Variants in PCDHGA6 observed in about 807,000 individuals in gnomAD.
The protein encoded by PCDHGA6 is protocadherin gamma subfamily A, 6.
Under a neutral mutation model 60.6 loss-of-function variants are expected in PCDHGA6, and 41 were observed. That is an observed-to-expected ratio of 0.68 (90% CI 0.53 to 0.88). The LOEUF is 0.88. PCDHGA6 is among the 40% of genes least tolerant of loss of function. PCDHGA6 has a pLI of 0.00. For missense variants in PCDHGA6, 1,312 were observed against 1,203.0 expected, an observed-to-expected ratio of 1.09 and a Z score of -1.34; for synonymous variants, 594 against 524.4, an observed-to-expected ratio of 1.13 and a Z score of -1.81.
At chr5:141,421,508 A>G (rs780491148) in intron 1 of PCDHGA6, 1 of 1,614,046 alleles carries the variant, frequency 6.2e-7, no homozygotes, top group Non-Finnish European at 8.5e-7. Flanking sequence ...ATAGACCGGG[A>G]GGAGCTCTGT....
chr5:141,448,496 G>A (rs1277705943), intron 1 of PCDHGA6, among the ~76,000 whole-genome samples: 1 of 152,024 alleles, frequency 6.6e-6, no homozygotes, highest in Non-Finnish European at 1.5e-5. Flanking sequence ...GTCCCCTGTA[G>A]GTAAACATTT....
chr5:141,483,501 G>A (rs1022338958), intron 1 of PCDHGA6, among the ~76,000 whole-genome samples: 2 of 150,394 alleles, frequency 1.3e-5, no homozygotes, highest in Admixed American at 1.3e-4. Context: ...ATGAGTCAAG[G>A]CTGATCCCCC....
intron 1 of PCDHGA6, chr5:141,393,244 A>C: frequency 6.2e-7 from 1 of 1,613,840 alleles, no homozygotes; most frequent in Non-Finnish European, 8.5e-7. Flanking sequence ...AAAATTAACG[A>C]AATCGCGGTT....
chr5:141,399,735 T>A (rs909521642), intron 1 of PCDHGA6: 1 of 1,613,198 alleles, frequency 6.2e-7, no homozygotes, highest in African/African-American at 1.3e-5. Flanking sequence ...AGGGCTCGCC[T>A]GCGCTCAGCG....
chr5:141,461,506 AT>A (rs1406680307), intron 1 of PCDHGA6, among the ~76,000 whole-genome samples: 2 of 151,524 alleles, frequency 1.3e-5, no homozygotes, highest in Non-Finnish European at 1.5e-5. Context: ...TTTCTTGGTG[AT>A]TTGTTAGTTC....
chr5:141,511,443 C>A lies in PCDHGA6; in HGVS notation c.*270C>A. On this transcript the variant is annotated 3_prime_UTR_variant, in exon 4 of 4. Coordinates refer to ENST00000517434, the MANE Select transcript of PCDHGA6 (RefSeq NM_018919.3). ...GGGGTAGTGGGGTTACTGTAGACAC[C>A]AAGAACCATTTGCCACACCCCGTTT... 1 of 670,886 alleles carries A rather than the reference C, an allele frequency of 1.5e-6. No homozygotes were observed. Among genetic ancestry groups the A allele is most frequent in the Non-Finnish European group, 2.4e-6 (1 of 421,442 alleles). 41.6% of individuals were successfully genotyped at this position (670,886 alleles called of 1,614,324 possible).
intron 1 of PCDHGA6, among the ~76,000 whole-genome samples, chr5:141,455,830 C>T (rs928219545): frequency 2.0e-5 from 3 of 151,170 alleles, no homozygotes; most frequent in African/African-American, 7.3e-5. Flanking sequence ...GACCCCTTTT[C>T]CTGTCTATCT....
At position 141,503,509 on chromosome 5, in the gene PCDHGA6, G is replaced by A. The variant is rs373282648; in HGVS notation, c.2484-1884G>A. ...AGCTGCTCAAGAGGCTGAGGCAGGA[G>A]AATCACTTGAACCTGGGAGGCAGAG... On this transcript the variant is annotated intron_variant, in intron 2 of 3. Transcript: ENST00000517434. Among the ~76,000 whole-genome samples the A allele has an allele frequency of 9.4e-5, 14 of 149,410 alleles. No individual in the cohort carries two copies. The South Asian group carries it at 1.5e-3, about 16-fold the overall frequency.
intron 1 of PCDHGA6, chr5:141,391,637 G>T (rs2092401462): frequency 1.3e-5 from 2 of 152,192 alleles, no homozygotes; most frequent in Admixed American, 6.5e-5. Flanking sequence ...TTTAGTCAGT[G>T]AAAAAACTAT....
At chr5:141,428,362 G>T (rs868168419) in intron 1 of PCDHGA6, 2 of 556,756 alleles carry the variant, frequency 3.6e-6, no homozygotes, top group Non-Finnish European at 6.6e-6. Context: ...TTTGGCGGTC[G>T]CCTTGCACCT....
At position 141,487,547 on chromosome 5, in the gene PCDHGA6, A is replaced by G. The variant is rs2099649592; in HGVS notation, c.2425-7260A>G. On this transcript the variant is annotated intron_variant, in intron 1 of 3. Coordinates refer to ENST00000517434, the MANE Select transcript of PCDHGA6 (RefSeq NM_018919.3). The surrounding 1 kb of genome is among the most constrained non-coding windows in gnomAD (Gnocchi z 5.0). ...TAGCTTCATGATGGTGAAGTCACCC[A>G]GTGCACCTATGGCAGGGGAGCCTGT... 2 of 1,614,216 alleles carry G rather than the reference A, an allele frequency of 1.2e-6. No individual in the cohort carries two copies. Among genetic ancestry groups the G allele is most frequent in the Non-Finnish European group, 8.5e-7 (1 of 1,180,046 alleles).
chr5:141,428,043 A>C (rs765740380), intron 1 of PCDHGA6: 1 of 1,608,722 alleles, frequency 6.2e-7, no homozygotes, highest in South Asian at 1.1e-5. Context: ...CTACCTGGTG[A>C]CCAAGGTGGT....
At chr5:141,384,941 C>G in intron 1 of PCDHGA6, 1 of 1,614,104 alleles carries the variant, frequency 6.2e-7, no homozygotes, top group Non-Finnish European at 8.5e-7. Context: ...CTTGAGCCCT[C>G]CGACGGTCCT....
intron 1 of PCDHGA6, among the ~76,000 whole-genome samples, chr5:141,448,016 G>A (rs903673535): frequency 6.6e-6 from 1 of 152,006 alleles, no homozygotes; most frequent in South Asian, 2.1e-4. Context: ...AACCCAGGAG[G>A]TGGAGGTTGC....
intron 1 of PCDHGA6, among the ~76,000 whole-genome samples, chr5:141,436,677 G>T (rs966497986): frequency 2.2e-4 from 33 of 152,278 alleles, no homozygotes; most frequent in Non-Finnish European, 2.9e-5. Flanking sequence ...CCAAAAAAAG[G>T]ATTTATATTT....
intron 1 of PCDHGA6, chr5:141,384,354 C>A (rs1437330360): frequency 6.2e-7 from 1 of 1,613,844 alleles, no homozygotes; most frequent in Non-Finnish European, 8.5e-7. Context: ...AGGATAATGC[C>A]CAGATCACTT....
In PCDHGA6 at chr5:141,405,262, C is replaced by A. The variant is rs1352663124; in HGVS notation, c.2424+28755C>A. ...ACTCAAGGAAGAGTCACCTGATCTT[C>A]CCCCAGCCCAACTATGCAGACACAC... On this transcript the variant is annotated intron_variant, in intron 1 of 3. Coordinates refer to ENST00000517434, the MANE Select transcript of PCDHGA6 (RefSeq NM_018919.3). The A allele has an allele frequency of 2.5e-6, 4 of 1,614,012 alleles. No individual in the cohort carries two copies. In the African/African-American group the frequency reaches 5.3e-5, roughly 22 times the overall value.
In PCDHGA6 at chr5:141,415,309, G is replaced by A. The variant is rs199689792; in HGVS notation, c.2424+38802G>A. ...GGTCTCCTGCGTCTTCCTGGCCTTC[G>A]TCATCGTGCTGCTGGCGCACAGGCT... is the stretch of plus-strand genomic sequence containing the variant. On this transcript the variant is annotated intron_variant, in intron 1 of 3. Coordinates refer to ENST00000517434, the MANE Select transcript of PCDHGA6 (RefSeq NM_018919.3). 2.7e-5 allele frequency: 44 copies of A among 1,614,216 alleles called. No homozygotes were observed. In the Middle Eastern group the frequency reaches 8.2e-4, roughly 30 times the overall value.
intron 1 of PCDHGA6, among the ~76,000 whole-genome samples, chr5:141,452,350 A>G (rs1355934993): frequency 6.6e-6 from 1 of 152,212 alleles, no homozygotes; most frequent in Admixed American, 6.5e-5. Context: ...CCATTTATCC[A>G]AAAGCCTTGC....
Sources: gnomAD v4.1 joint callset for allele counts (sites outside exome capture counted in the v4.1 genomes callset) on GRCh38, gnomAD v4.1.1 for gene constraint, Gnocchi (gnomAD v3.1) non-coding constraint, MANE v1.5 for transcripts, NCBI Gene and HGNC (gene_info 2026-07-23, HGNC 2026-07-21) for gene names.